Variants in GRM7 observed in about 807,000 individuals in gnomAD.
GRM7 encodes glutamate metabotropic receptor 7.
GRM7 carries 35 observed loss-of-function variants against 84.5 expected under a neutral mutation model. The observed-to-expected ratio is 0.41, with a 90% CI of 0.32 to 0.55. GRM7 has a LOEUF of 0.55. Among genes scored for constraint, GRM7 ranks in the 20% least tolerant of loss-of-function variants. The probability of loss-of-function intolerance (pLI) is 0.19; values close to 1 mark genes in which losing one functional copy is unlikely to be tolerated. For missense variants in GRM7, 1,003 were observed against 1,194.6 expected (o/e 0.84, Z 2.36); for synonymous variants, 487 against 455.1 (o/e 1.07, Z -0.89).
At position 7,497,332 on chromosome 3, in the gene GRM7, C is replaced by T. The variant is rs541180010; in HGVS notation, c.1515+35610C>T. Among the ~76,000 whole-genome samples, 12 of 152,246 alleles carry T rather than the reference C, an allele frequency of 7.9e-5. No homozygotes were observed. The East Asian group carries it at 1.4e-3, about 17-fold the overall frequency. On this transcript the variant is annotated intron_variant, in intron 7 of 9. Coordinates refer to ENST00000357716, the MANE Select transcript of GRM7 (RefSeq NM_000844.4). ...ATTAGGCCATGACTAAAAGTGGCAA[C>T]GTTTCCCATGGGGTTTTGGAAACCA...
At chr3:6,922,091 C>T (rs1697147073) in intron 1 of GRM7, among the ~76,000 whole-genome samples, 1 of 152,202 alleles carries the variant, frequency 6.6e-6, no homozygotes, top group Non-Finnish European at 1.5e-5. Context: ...GTTCCGAGCA[C>T]GCCTCTTTCT....
chr3:7,035,533 C>A (rs187605790), intron 1 of GRM7, among the ~76,000 whole-genome samples: 8 of 152,234 alleles, frequency 5.3e-5, no homozygotes, highest in African/African-American at 9.6e-5. Flanking sequence ...CCGAAATAAA[C>A]AATTTGAAGG....
intron 8 of GRM7, among the ~76,000 whole-genome samples, chr3:7,585,689 C>T (rs963829999): frequency 1.2e-4 from 19 of 152,258 alleles, no homozygotes; most frequent in East Asian, 3.9e-4. Context: ...AGGTGTCTTG[C>T]GCTTTGAGAC....
chr3:7,103,820 C>CTG (rs1699204322), intron 1 of GRM7, among the ~76,000 whole-genome samples: 5 of 85,642 alleles, frequency 5.8e-5, no homozygotes, highest in African/African-American at 3.6e-4. Flanking sequence ...CTTTCTTTCT[C>CTG]TCTCTCTCTG....
At chr3:7,611,499 T>C (rs1011072176) in intron 8 of GRM7, among the ~76,000 whole-genome samples, 1 of 152,010 alleles carries the variant, frequency 6.6e-6, no homozygotes, top group African/African-American at 2.4e-5. Context: ...TGCCTAACAA[T>C]CAGCCAAGAA....
At chr3:7,268,626 A>C (rs1698736851) in intron 2 of GRM7, among the ~76,000 whole-genome samples, 1 of 152,178 alleles carries the variant, frequency 6.6e-6, no homozygotes, top group African/African-American at 2.4e-5. Context: ...TGAGCAGAGA[A>C]GCTGGGCTTT....
chr3:7,010,291 A>C (rs1163745674), intron 1 of GRM7, among the ~76,000 whole-genome samples: 3 of 152,176 alleles, frequency 2.0e-5, no homozygotes, highest in Admixed American at 6.5e-5. Context: ...TGTCTACTAA[A>C]AATACAAAAA....
intron 8 of GRM7, 79 bp downstream of exon 8, chr3:7,579,436 T>A: frequency 1.2e-6 from 1 of 824,024 alleles, no homozygotes; most frequent in Non-Finnish European, 1.9e-6. Flanking sequence ...ATTGATTGTA[T>A]AAAGTAAGAA....
chr3:7,616,474 T>G (rs1315375199), intron 8 of GRM7, among the ~76,000 whole-genome samples: 1 of 152,112 alleles, frequency 6.6e-6, no homozygotes, highest in African/African-American at 2.4e-5. Context: ...CTCAAAACTT[T>G]CCCTAGGTCC....
chr3:7,507,401 G>A (rs1164130564), intron 7 of GRM7, among the ~76,000 whole-genome samples: 1 of 152,214 alleles, frequency 6.6e-6, no homozygotes, highest in Non-Finnish European at 1.5e-5. Context: ...GAGTCAAACT[G>A]AGTCCTGAGA....
intron 4 of GRM7, among the ~76,000 whole-genome samples, chr3:7,376,410 T>C (rs1694352317): frequency 6.6e-6 from 1 of 152,152 alleles, no homozygotes; most frequent in South Asian, 2.1e-4. Flanking sequence ...GCAAAATACC[T>C]TTGAGTTCCT....
intron 2 of GRM7, among the ~76,000 whole-genome samples, chr3:7,243,793 A>G (rs1484689717): frequency 6.6e-6 from 1 of 152,168 alleles, no homozygotes; most frequent in Non-Finnish European, 1.5e-5. Flanking sequence ...CATGCCTACT[A>G]TAGGCTATAT....
intron 4 of GRM7, among the ~76,000 whole-genome samples, chr3:7,372,657 T>G (rs1694187364): frequency 6.6e-6 from 1 of 152,158 alleles, no homozygotes; most frequent in East Asian, 1.9e-4. Flanking sequence ...GTTTTAGAAT[T>G]TTGTACTTTA....
chr3:7,365,751 A>T (rs1693863423), intron 4 of GRM7, among the ~76,000 whole-genome samples: 1 of 150,026 alleles, frequency 6.7e-6, no homozygotes, highest in Admixed American at 6.7e-5. Flanking sequence ...ATTTTAGTTC[A>T]GTAATTTATA....
At chr3:7,708,346 A>C (rs1178168602) in intron 9 of GRM7, among the ~76,000 whole-genome samples, 1 of 148,484 alleles carries the variant, frequency 6.7e-6, no homozygotes. Context: ...AAAAGCAAAC[A>C]TGGCAAAAAA....
chr3:7,117,027 GT>G (rs1264874279), intron 1 of GRM7, among the ~76,000 whole-genome samples: 1 of 152,158 alleles, frequency 6.6e-6, no homozygotes, highest in Non-Finnish European at 1.5e-5. Context: ...GTGTATGAAA[GT>G]ATTAGGAGTA....
intron 4 of GRM7, among the ~76,000 whole-genome samples, chr3:7,332,750 G>C (rs1171631048): frequency 6.6e-6 from 1 of 152,138 alleles, no homozygotes; most frequent in East Asian, 1.9e-4. Flanking sequence ...ACCTTTGAAA[G>C]AAACAGCTTA....
At chr3:7,268,265 G>T (rs1698721693) in intron 2 of GRM7, among the ~76,000 whole-genome samples, 1 of 150,950 alleles carries the variant, frequency 6.6e-6, no homozygotes, top group African/African-American at 2.5e-5. Context: ...ACTTCGGTGG[G>T]CCAAGGAGAG....
chr3:6,945,998 G>T (rs540738225), intron 1 of GRM7, among the ~76,000 whole-genome samples: 7 of 151,930 alleles, frequency 4.6e-5, no homozygotes, highest in Admixed American at 2.0e-4. Flanking sequence ...ATTTTCTCCC[G>T]TTTTGTAGGT....
Sources: gnomAD v4.1 joint callset for allele counts (sites outside exome capture counted in the v4.1 genomes callset) on GRCh38, gnomAD v4.1.1 for gene constraint, MANE v1.5 for transcripts, NCBI Gene and HGNC (gene_info 2026-07-23, HGNC 2026-07-21) for gene names.